The following GRID1 variants were observed in gnomAD, a reference collection of about 807,000 sequenced individuals.
GRID1 encodes the protein glutamate receptor ionotropic, delta-1.
Under a neutral mutation model 98.0 loss-of-function variants are expected in GRID1, and 28 were observed. The observed-to-expected ratio is 0.29, with a 90% CI of 0.21 to 0.39. The LOEUF is 0.39. GRID1 is among the 10% of genes least tolerant of loss of function. The pLI is 1.00. For missense variants in GRID1, 1,111 were observed against 1,340.5 expected (o/e 0.83, Z 2.67); for synonymous variants, 553 against 538.5 (o/e 1.03, Z -0.37).
In GRID1 at chr10:85,954,289, C is replaced by G. The variant is rs137984926; in HGVS notation, c.727-38050G>C. The stretch of plus-strand genomic sequence containing the variant: ...TGAAATCTAACAGAAAGAGGTTTAC[C>G]ATCACTTCTACTATAAATCAATGAC... On this transcript the variant is annotated intron_variant, in intron 4 of 15. Coordinates refer to ENST00000327946, the MANE Select transcript of GRID1 (RefSeq NM_017551.3). 1.8e-3 allele frequency among the ~76,000 whole-genome samples: 269 copies of G among 152,250 alleles called. 1 individual carries two copies. The highest frequency in any genetic ancestry group is 6.0e-3 in the African/African-American group (250 of 41,530).
intron 2 of GRID1, among the ~76,000 whole-genome samples, chr10:86,281,467 A>T (rs2132068158): frequency 1.3e-5 from 2 of 152,318 alleles, no homozygotes; most frequent in East Asian, 1.9e-4. Context: ...CTGCTGCCTC[A>T]TCTACCCTTC....
chr10:86,234,607 C>T (rs1027516251), intron 2 of GRID1, among the ~76,000 whole-genome samples: 2 of 152,196 alleles, frequency 1.3e-5, no homozygotes, highest in African/African-American at 4.8e-5. Context: ...AAAAGCAAGC[C>T]ATGGCCCAAG....
At chr10:85,631,458 T>G (rs1252680085) in intron 13 of GRID1, among the ~76,000 whole-genome samples, 1 of 152,162 alleles carries the variant, frequency 6.6e-6, no homozygotes, top group Admixed American at 6.5e-5. Flanking sequence ...CTCCAGCACT[T>G]TGGGGAGGAA....
At position 85,689,853 on chromosome 10, in the gene GRID1, A is replaced by C. The variant is rs117292138; in HGVS notation, c.1997+33150T>G. On this transcript the variant is annotated intron_variant, in intron 12 of 15. Coordinates refer to ENST00000327946, the MANE Select transcript of GRID1 (RefSeq NM_017551.3). ...AATTCTACCAGTCAAGTTATTCTTC[A>C]TATGTAGAGAACCAGAAATGAAACA... Among the ~76,000 whole-genome samples, 617 of 152,320 alleles carry C rather than the reference A, an allele frequency of 4.1e-3. 4 individuals are homozygous for C. The highest frequency in any genetic ancestry group is 5.8e-3 in the Non-Finnish European group (393 of 68,004).
chr10:85,770,991 G>A (rs568177987), intron 8 of GRID1, among the ~76,000 whole-genome samples: 19 of 152,234 alleles, frequency 1.2e-4, no homozygotes, highest in Admixed American at 5.2e-4. Context: ...GATACTCCTC[G>A]AGAAGAGCAA....
rs1352417362 is a variant in GRID1, at chr10:85,724,904, G to T, written c.1534-228C>A. Among the ~76,000 whole-genome samples the T allele has an allele frequency of 3.9e-5, 6 of 152,304 alleles. No individual in the cohort carries two copies. In the East Asian group the frequency reaches 5.8e-4, roughly 15 times the overall value. On this transcript the variant is annotated intron_variant, in intron 10 of 15. Coordinates refer to ENST00000327946, the MANE Select transcript of GRID1 (RefSeq NM_017551.3). ...TCTCTTCTAAAAACTTCAGGAAACT[G>T]CTTCTACAGAAAAGAGCCGAGTAAA...
intron 4 of GRID1, among the ~76,000 whole-genome samples, chr10:85,951,917 G>A (rs1024411648): frequency 2.0e-5 from 3 of 152,206 alleles, no homozygotes; most frequent in South Asian, 2.1e-4. Context: ...TGAGGCCGAC[G>A]CCTTGCCTGA....
chr10:86,135,850 T>C (rs1020209333), intron 4 of GRID1, among the ~76,000 whole-genome samples: 6 of 152,228 alleles, frequency 3.9e-5, no homozygotes, highest in Non-Finnish European at 7.3e-5. Context: ...AGCAGCTCCG[T>C]CTTCCTCACT....
intron 4 of GRID1, among the ~76,000 whole-genome samples, chr10:86,055,748 C>A (rs1843563315): frequency 6.7e-6 from 1 of 149,024 alleles, no homozygotes; most frequent in African/African-American, 2.5e-5. Context: ...ATCTCAACAA[C>A]AACAAGAAGA....
chr10:85,631,515 C>G (rs1842975279), intron 13 of GRID1, among the ~76,000 whole-genome samples: 1 of 152,020 alleles, frequency 6.6e-6, no homozygotes, highest in South Asian at 2.1e-4. Flanking sequence ...AATAAGGTTT[C>G]TTATATTTTC....
chr10:85,963,163 A>T (rs1055188112), intron 4 of GRID1, among the ~76,000 whole-genome samples: 1 of 152,120 alleles, frequency 6.6e-6, no homozygotes, highest in East Asian at 1.9e-4. Context: ...GAAACTTAGA[A>T]GGCTCATGGC....
intron 4 of GRID1, among the ~76,000 whole-genome samples, chr10:85,938,405 C>A (rs1841955199): frequency 6.6e-6 from 1 of 152,140 alleles, no homozygotes; most frequent in South Asian, 2.1e-4. Context: ...TTATATATTT[C>A]AAAATTAGAA....
intron 5 of GRID1, among the ~76,000 whole-genome samples, chr10:85,897,902 G>A (rs1564621369): frequency 3.3e-5 from 5 of 152,132 alleles, no homozygotes; most frequent in South Asian, 2.1e-4. Flanking sequence ...TCTGGCCCAC[G>A]GCATCTCACC....
chr10:85,790,493 G>A (rs996790498), intron 8 of GRID1, among the ~76,000 whole-genome samples: 1 of 152,210 alleles, frequency 6.6e-6, no homozygotes, highest in Non-Finnish European at 1.5e-5. Context: ...TCAGAGTGGG[G>A]CAAAAGGATG....
intron 4 of GRID1, among the ~76,000 whole-genome samples, chr10:85,964,304 T>A (rs536542407): frequency 6.6e-6 from 1 of 152,130 alleles, no homozygotes; most frequent in Non-Finnish European, 1.5e-5. Context: ...AAATTTCATA[T>A]GGAACCAAAA....
intron 14 of GRID1, 35 bp from the exon 15 acceptor site, chr10:85,613,682 G>A: frequency 1.3e-6 from 2 of 1,592,764 alleles, no homozygotes; most frequent in Non-Finnish European, 1.7e-6. Flanking sequence ...TATAGCCACT[G>A]ACGTCATCAA....
chr10:85,770,235 A>G (rs1476115580), intron 8 of GRID1, among the ~76,000 whole-genome samples: 1 of 152,220 alleles, frequency 6.6e-6, no homozygotes, highest in Non-Finnish European at 1.5e-5. Flanking sequence ...GTGGACCTCT[A>G]GCAAACTCCA....
At chr10:85,807,022 TA>T (rs972833132) in intron 8 of GRID1, among the ~76,000 whole-genome samples, 14 of 149,522 alleles carry the variant, frequency 9.4e-5, no homozygotes, top group Admixed American at 2.7e-4. Context: ...CTTTTAAAAG[TA>T]AAAAAAAAAT....
At chr10:85,652,793 G>A (rs1840842372) in intron 12 of GRID1, among the ~76,000 whole-genome samples, 1 of 152,008 alleles carries the variant, frequency 6.6e-6, no homozygotes, top group Admixed American at 6.5e-5. Context: ...ACCCATGCAG[G>A]GGAAGGCTTC....
Sources: gnomAD v4.1 joint callset for allele counts (sites outside exome capture counted in the v4.1 genomes callset) on GRCh38, gnomAD v4.1.1 for gene constraint, MANE v1.5 for transcripts, NCBI Gene and HGNC (gene_info 2026-07-23, HGNC 2026-07-21) for gene names.